The following TRAF3 variants were observed in gnomAD, a reference collection of about 807,000 sequenced individuals.
The protein encoded by TRAF3 is TNF receptor associated factor 3.
Under a neutral mutation model 62.3 loss-of-function variants are expected in TRAF3, and 13 were observed. The ratio of observed to expected loss-of-function variants is 0.21; its 90% CI spans 0.14 to 0.33. TRAF3 has a LOEUF of 0.33. Among genes scored for constraint, TRAF3 ranks in the 10% least tolerant of loss-of-function variants. The pLI, the probability that TRAF3 is intolerant of heterozygous loss-of-function variation, is 1.00. For synonymous variants in TRAF3, 269 were observed against 283.4 expected, an observed-to-expected ratio of 0.95 and a Z score of 0.51; for missense variants, 440 against 741.8, an observed-to-expected ratio of 0.59 and a Z score of 4.73.
chr14:102,833,760 C>T (rs1226878921), intron 2 of TRAF3, among the ~76,000 whole-genome samples: 3 of 152,036 alleles, frequency 2.0e-5, no homozygotes, highest in Non-Finnish European at 2.9e-5. Flanking sequence ...TTTGGGAGGT[C>T]GAGGCGGGTG....
intron 1 of TRAF3, among the ~76,000 whole-genome samples, chr14:102,787,611 C>T (rs1272113645): frequency 4.0e-5 from 6 of 151,760 alleles, no homozygotes; most frequent in Admixed American, 6.6e-5. Flanking sequence ...CGCTTGAATT[C>T]GGGAGGTGGA....
At chr14:102,795,619 T>TGTGTGC (rs767401587) in intron 1 of TRAF3, among the ~76,000 whole-genome samples, 1 of 151,850 alleles carries the variant, frequency 6.6e-6, no homozygotes, top group Non-Finnish European at 1.5e-5. Flanking sequence ...TGTGTGTGTG[T>TGTGTGC]GCATAGTTTT....
rs1890854241 is a variant in TRAF3 at position 102,911,260 on chromosome 14, A to G, written c.*5476A>G. On this transcript the variant is annotated 3_prime_UTR_variant, in exon 12 of 12. Coordinates refer to ENST00000392745, the MANE Select transcript of TRAF3 (RefSeq NM_145725.3). The stretch of plus-strand genomic sequence containing the variant: ...AAAGACCGTGAGTTATTGCCCAGCA[A>G]TAATCATGTTGTTACTGTGAGTTAG... 6.6e-6 allele frequency: 1 copy of G among 152,232 alleles called. No homozygotes were observed. 9.4% of individuals were successfully genotyped at this position (152,232 alleles called of 1,614,324 possible).
At chr14:102,792,826 A>G (rs1290062778) in intron 1 of TRAF3, among the ~76,000 whole-genome samples, 2 of 151,668 alleles carry the variant, frequency 1.3e-5, no homozygotes, top group African/African-American at 4.8e-5. Flanking sequence ...CATTAGGAAT[A>G]TTAGTCTGTA....
intron 9 of TRAF3, among the ~76,000 whole-genome samples, chr14:102,895,981 C>G (rs1242201200): frequency 1.3e-5 from 2 of 152,102 alleles, no homozygotes; most frequent in Admixed American, 6.6e-5. Flanking sequence ...GTCACGCTCT[C>G]ATTATGTTGG....
At chr14:102,857,397 A>G (rs1887434771) in intron 2 of TRAF3, among the ~76,000 whole-genome samples, 1 of 152,236 alleles carries the variant, frequency 6.6e-6, no homozygotes, top group Non-Finnish European at 1.5e-5. Context: ...GATTTGCTTT[A>G]TTATACTTGG....
At chr14:102,839,185 G>A (rs923155201) in intron 2 of TRAF3, among the ~76,000 whole-genome samples, 1 of 142,948 alleles carries the variant, frequency 7.0e-6, no homozygotes, top group African/African-American at 2.6e-5. Context: ...GCAAAACCAA[G>A]AGAGATGCTT....
At chr14:102,779,829 C>G (rs1198527900) in intron 1 of TRAF3, among the ~76,000 whole-genome samples, 1 of 152,230 alleles carries the variant, frequency 6.6e-6, no homozygotes, top group Non-Finnish European at 1.5e-5. Flanking sequence ...TAGCAAGACT[C>G]TCCAAACAGC....
rs1353312218 is a variant in TRAF3, at chr14:102,777,450, CG to C, written c.-378del. On this transcript the variant is annotated 5_prime_UTR_variant, in exon 1 of 12. Transcript: ENST00000392745. ...CAGCGCGCGAGAGGAAGTGCCTGCG[CG>C]GGGCTGCGTGAGGGAGCGAGGGAGC... 1 of 143,392 alleles carries C rather than the reference CG, an allele frequency of 7.0e-6. No homozygotes were observed. The highest frequency in any genetic ancestry group is 2.5e-5 in the African/African-American group (1 of 39,916). The allele number at this position is 143,392 out of a possible 1,614,324, so 8.9% of individuals were successfully genotyped here.
In TRAF3 at chr14:102,830,463, G is replaced by T. The variant is rs186237761; in HGVS notation, c.-27G>T. On this transcript the variant is annotated 5_prime_UTR_variant, in exon 2 of 12. Coordinates refer to ENST00000392745, the MANE Select transcript of TRAF3 (RefSeq NM_145725.3). ...CTACTCTTCTAAGGATCGCTGTCCT[G>T]ACAGAAGAGGTTTGCTCTCAGTTAA... 6.7e-6 allele frequency: 1 copy of T among 149,946 alleles called. No individual in the cohort carries two copies. Among genetic ancestry groups the T allele is most frequent in the East Asian group, 1.9e-4 (1 of 5,130 alleles). 9.3% of individuals were successfully genotyped at this position (149,946 alleles called of 1,614,324 possible).
intron 4 of TRAF3, among the ~76,000 whole-genome samples, chr14:102,874,257 C>G (rs1888512426): frequency 3.9e-5 from 6 of 152,122 alleles, no homozygotes; most frequent in Admixed American, 3.3e-4. Flanking sequence ...CAGAGTGAAA[C>G]CCACCCTGTC....
intron 1 of TRAF3, among the ~76,000 whole-genome samples, chr14:102,807,731 A>G (rs1343779030): frequency 6.6e-6 from 1 of 152,166 alleles, no homozygotes; most frequent in Non-Finnish European, 1.5e-5. Context: ...GTGAGGCATG[A>G]GGGCAGCGAC....
At chr14:102,876,850 C>G (rs1888693734) in intron 6 of TRAF3, among the ~76,000 whole-genome samples, 1 of 151,244 alleles carries the variant, frequency 6.6e-6, no homozygotes, top group Non-Finnish European at 1.5e-5. Context: ...CCGCTCAGTT[C>G]ATAGATAATC....
At chr14:102,863,135 G>T (rs1887778313) in intron 2 of TRAF3, among the ~76,000 whole-genome samples, 1 of 152,028 alleles carries the variant, frequency 6.6e-6, no homozygotes, top group African/African-American at 2.4e-5. Flanking sequence ...TCTGTTAGTT[G>T]CCTTTTTTCT....
At chr14:102,827,197 G>A (rs1241835100) in intron 1 of TRAF3, among the ~76,000 whole-genome samples, 1 of 152,260 alleles carries the variant, frequency 6.6e-6, no homozygotes, top group East Asian at 1.9e-4. Flanking sequence ...AGGTGCACTC[G>A]GGCCCGGGTT....
At chr14:102,884,119 C>G (rs1374398447) in intron 6 of TRAF3, among the ~76,000 whole-genome samples, 2 of 152,196 alleles carry the variant, frequency 1.3e-5, no homozygotes, top group Non-Finnish European at 2.9e-5. Flanking sequence ...AAAACCAAGG[C>G]CCTGCTGTCT....
Position 102,909,380 on chromosome 14 carries a change from C to T in TRAF3, c.*3596C>T, listed in dbSNP as rs1030179392. The T allele has an allele frequency of 1.0e-4, 16 of 152,420 alleles. No individual in the cohort carries two copies. Among genetic ancestry groups the T allele is most frequent in the Non-Finnish European group, 2.2e-4 (15 of 68,176 alleles). The allele number at this position is 152,420 out of a possible 1,614,324, so 9.4% of individuals were successfully genotyped here. On this transcript the variant is annotated 3_prime_UTR_variant, in exon 12 of 12. Coordinates refer to ENST00000392745, the MANE Select transcript of TRAF3 (RefSeq NM_145725.3). ...TTATGACCCACATTGCAGCCCCATT[C>T]CACCACCCCTTCCTCCCCAGAGCAG...
intron 10 of TRAF3, among the ~76,000 whole-genome samples, chr14:102,901,740 G>T (rs368195323): frequency 1.3e-5 from 2 of 152,276 alleles, no homozygotes; most frequent in Non-Finnish European, 2.9e-5. Flanking sequence ...CTGCTTTTAC[G>T]CCCAAAAAGC....
At chr14:102,792,820 A>G (rs550838911) in intron 1 of TRAF3, among the ~76,000 whole-genome samples, 1 of 152,078 alleles carries the variant, frequency 6.6e-6, no homozygotes, top group Admixed American at 6.5e-5. Flanking sequence ...TATGTTCATT[A>G]GGAATATTAG....
Sources: gnomAD v4.1 joint callset for allele counts (sites outside exome capture counted in the v4.1 genomes callset) on GRCh38, gnomAD v4.1.1 for gene constraint, MANE v1.5 for transcripts, NCBI Gene and HGNC (gene_info 2026-07-23, HGNC 2026-07-21) for gene names.